Variants in CACNA2D3 observed in about 807,000 individuals in gnomAD.
CACNA2D3 encodes voltage-dependent calcium channel subunit alpha-2/delta-3.
In CACNA2D3, 60 loss-of-function variants were observed where a neutral mutation model predicts 160.6. The observed-to-expected ratio is 0.37, with a 90% CI of 0.30 to 0.46. The LOEUF is 0.46. Ranked by LOEUF, CACNA2D3 falls within the 20% of genes least tolerant of loss-of-function variation. CACNA2D3 has a pLI of 1.00. For synonymous variants in CACNA2D3, 558 were observed against 492.9 expected, an observed-to-expected ratio of 1.13 and a Z score of -1.75; for missense variants, 1,205 against 1,365.0, an observed-to-expected ratio of 0.88 and a Z score of 1.85.
intron 3 of CACNA2D3, among the ~76,000 whole-genome samples, chr3:54,335,961 G>T (rs999042334): frequency 3.9e-5 from 5 of 129,238 alleles, no homozygotes; most frequent in African/African-American, 1.5e-4. Flanking sequence ...CTGAGATCGC[G>T]CCACTGTACT....
At chr3:55,001,944 G>A (rs1444446382) in intron 31 of CACNA2D3, among the ~76,000 whole-genome samples, 1 of 152,152 alleles carries the variant, frequency 6.6e-6, no homozygotes, top group African/African-American at 2.4e-5. Context: ...GGATCACAAG[G>A]TCAGGAGTTC....
intron 5 of CACNA2D3, among the ~76,000 whole-genome samples, chr3:54,532,336 A>C (rs1031242791): frequency 2.0e-5 from 3 of 152,182 alleles, no homozygotes; most frequent in Non-Finnish European, 4.4e-5. Context: ...CCTTGTTAAC[A>C]ATATGTTAAC....
intron 8 of CACNA2D3, among the ~76,000 whole-genome samples, chr3:54,581,199 A>C (rs1702670781): frequency 1.3e-5 from 2 of 152,122 alleles, no homozygotes; most frequent in South Asian, 4.1e-4. Context: ...CCTGGTTGTG[A>C]GCTTCGGGCA....
At chr3:54,252,099 A>ATTTTTTTT (rs1575345395) in intron 2 of CACNA2D3, among the ~76,000 whole-genome samples, 2 of 71,530 alleles carry the variant, frequency 2.8e-5, no homozygotes, top group African/African-American at 8.2e-5. Context: ...TTGCAGAGCT[A>ATTTTTTTT]GTTTTTTTTT....
intron 4 of CACNA2D3, among the ~76,000 whole-genome samples, chr3:54,451,012 A>T (rs1700296986): frequency 6.6e-6 from 1 of 152,070 alleles, no homozygotes; most frequent in Non-Finnish European, 1.5e-5. Flanking sequence ...AGAGTCATGG[A>T]TACCAAGTAG....
At chr3:54,291,279 A>G (rs1703197760) in intron 2 of CACNA2D3, among the ~76,000 whole-genome samples, 2 of 152,232 alleles carry the variant, frequency 1.3e-5, no homozygotes, top group Non-Finnish European at 2.9e-5. Flanking sequence ...TCACCACACA[A>G]ATTTAAAAAG....
At chr3:54,407,222 C>A (rs1699592388) in intron 4 of CACNA2D3, among the ~76,000 whole-genome samples, 2 of 151,834 alleles carry the variant, frequency 1.3e-5, no homozygotes, top group South Asian at 4.2e-4. Flanking sequence ...CAAGGAAAAC[C>A]CAGGCCCAGA....
intron 13 of CACNA2D3, among the ~76,000 whole-genome samples, chr3:54,791,498 ATTAT>A (rs902974625): frequency 6.6e-6 from 1 of 152,230 alleles, no homozygotes; most frequent in African/African-American, 2.4e-5. Flanking sequence ...AGAAAAATTA[ATTAT>A]TTATGACTCT....
At chr3:54,858,160 T>C (rs1699212220) in intron 17 of CACNA2D3, among the ~76,000 whole-genome samples, 1 of 151,994 alleles carries the variant, frequency 6.6e-6, no homozygotes, top group Non-Finnish European at 1.5e-5. Flanking sequence ...TGTTGAATAA[T>C]GATCTCTTAA....
At chr3:54,666,609 G>A (rs1399383053) in intron 11 of CACNA2D3, among the ~76,000 whole-genome samples, 1 of 152,124 alleles carries the variant, frequency 6.6e-6, no homozygotes, top group East Asian at 1.9e-4. Context: ...TCCAATATAA[G>A]GACTCATTAA....
rs1474183968 is a variant in CACNA2D3 at position 54,709,258 on chromosome 3, G to A, written c.1168-43341G>A. On this transcript the variant is annotated intron_variant, in intron 11 of 37. Transcript: ENST00000474759. ...TCGAACTGCTGACCTCAAGTGATCC[G>A]CCTGCCTTGGCGTCCCAAAGTGCTA... Among the ~76,000 whole-genome samples, 8 of 151,822 alleles carry A rather than the reference G, an allele frequency of 5.3e-5. No homozygotes were observed. In the South Asian group the frequency reaches 8.3e-4, roughly 16 times the overall value.
intron 14 of CACNA2D3, among the ~76,000 whole-genome samples, chr3:54,825,239 G>A (rs1199461380): frequency 6.6e-6 from 1 of 152,070 alleles, no homozygotes; most frequent in African/African-American, 2.4e-5. Flanking sequence ...TTACATCCTC[G>A]AAGATATAAA....
chr3:54,851,929 C>T (rs1320179226), intron 17 of CACNA2D3, among the ~76,000 whole-genome samples: 1 of 152,200 alleles, frequency 6.6e-6, no homozygotes, highest in Non-Finnish European at 1.5e-5. Context: ...TCAAGACCCA[C>T]CAGTGGCTGT....
At chr3:54,889,097 A>G (rs1232431722) in intron 24 of CACNA2D3, among the ~76,000 whole-genome samples, 5 of 152,206 alleles carry the variant, frequency 3.3e-5, no homozygotes, top group African/African-American at 7.2e-5. Context: ...CATTTGACAC[A>G]TTGGAGGAAT....
chr3:54,140,478 A>G (rs1171188575), intron 2 of CACNA2D3, among the ~76,000 whole-genome samples: 2 of 152,176 alleles, frequency 1.3e-5, no homozygotes, highest in African/African-American at 2.4e-5. Flanking sequence ...CATTGCTGCC[A>G]GGCATGCCAC....
intron 26 of CACNA2D3, among the ~76,000 whole-genome samples, chr3:54,899,353 A>G (rs1278746580): frequency 1.3e-5 from 2 of 152,334 alleles, no homozygotes; most frequent in East Asian, 1.9e-4. Context: ...GATTTAACCA[A>G]TGAATCAGAG....
intron 4 of CACNA2D3, among the ~76,000 whole-genome samples, chr3:54,424,359 G>A (rs1699882535): frequency 6.6e-6 from 1 of 152,148 alleles, no homozygotes; most frequent in Non-Finnish European, 1.5e-5. Flanking sequence ...GTTGATTGAG[G>A]TACAAAAGGA....
At chr3:54,843,354 G>A (rs1296522497) in intron 16 of CACNA2D3, among the ~76,000 whole-genome samples, 3 of 152,216 alleles carry the variant, frequency 2.0e-5, no homozygotes, top group Non-Finnish European at 2.9e-5. Context: ...TTTTACAAGA[G>A]ATGAGCTGAG....
chr3:55,072,118 CTG>C (rs1292071971), intron 35 of CACNA2D3, among the ~76,000 whole-genome samples: 1 of 152,182 alleles, frequency 6.6e-6, no homozygotes, highest in Non-Finnish European at 1.5e-5. Context: ...AACAGCAAGA[CTG>C]AATATTTTTC....
Sources: allele counts gnomAD v4.1 joint callset (sites outside exome capture counted in the v4.1 genomes callset), GRCh38; gene constraint gnomAD v4.1.1; transcripts MANE v1.5; gene names NCBI Gene and HGNC (gene_info 2026-07-23, HGNC 2026-07-21).